The following ADAMTS17 variants were observed in gnomAD, a reference collection of about 807,000 sequenced individuals.
The protein encoded by ADAMTS17 is ADAM metallopeptidase with thrombospondin type 1 motif 17.
A neutral mutation model predicts 141.5 loss-of-function variants in ADAMTS17; 113 were observed. The ratio of observed to expected loss-of-function variants is 0.80; its 90% confidence interval spans 0.69 to 0.93. The LOEUF (loss-of-function observed/expected upper bound fraction) is 0.93, where lower values mean the gene tolerates loss of function less well. Among genes scored for constraint, ADAMTS17 ranks in the 40% least tolerant of loss-of-function variants. The pLI is 0.00. For missense variants in ADAMTS17, 1,659 were observed against 1,517.9 expected (o/e 1.09, Z -1.54); for synonymous variants, 768 against 630.6 (o/e 1.22, Z -3.27).
rs1388368639 is a variant in ADAMTS17 at position 100,236,254 on chromosome 15, G to A, written c.1075+17882C>T. Among the ~76,000 whole-genome samples the A allele has an allele frequency of 2.7e-5, 4 of 145,722 alleles. No individual in the cohort carries two copies. In the East Asian group the frequency reaches 8.2e-4, roughly 30 times the overall value. On this transcript the variant is annotated intron_variant, in intron 7 of 21. Coordinates refer to ENST00000268070, the MANE Select transcript of ADAMTS17 (RefSeq NM_139057.4). Reference sequence around the variant, plus strand: ...GACAGTAAACATTACATTGAGAGAGGTGCCCTATATTCATGTCACCCACGA... The same window carrying A: ...GACAGTAAACATTACATTGAGAGAGATGCCCTATATTCATGTCACCCACGA...
chr15:100,221,431 T>C (rs1293728335), intron 7 of ADAMTS17, among the ~76,000 whole-genome samples: 1 of 152,210 alleles, frequency 6.6e-6, no homozygotes, highest in South Asian at 2.1e-4. Flanking sequence ...TCTGCACTAT[T>C]TGTACAAACT....
intron 15 of ADAMTS17, among the ~76,000 whole-genome samples, chr15:100,062,270 G>A (rs1032180789): frequency 4.6e-5 from 7 of 152,164 alleles, no homozygotes; most frequent in East Asian, 3.9e-4. Context: ...ACGAGCGGCC[G>A]TCACAGCCTC....
intron 13 of ADAMTS17, 44 bp downstream of exon 13, chr15:100,116,803 G>A (rs1380263085): frequency 1.2e-6 from 2 of 1,613,362 alleles, no homozygotes; most frequent in Non-Finnish European, 1.7e-6. Context: ...ATTCTTAGGG[G>A]AGGACAGGAG....
chr15:100,027,819 A>G (rs573837309), intron 18 of ADAMTS17, among the ~76,000 whole-genome samples: 1 of 152,302 alleles, frequency 6.6e-6, no homozygotes, highest in East Asian at 1.9e-4. Flanking sequence ...TCTTGGTCTG[A>G]TCTGTGAGGA....
intron 8 of ADAMTS17, among the ~76,000 whole-genome samples, chr15:100,174,591 A>G (rs538916938): frequency 6.6e-6 from 1 of 152,340 alleles, no homozygotes; most frequent in East Asian, 1.9e-4. Context: ...TTTACCTTAA[A>G]CAAATATTCA....
chr15:100,282,216 G>A (rs868061829), intron 3 of ADAMTS17, among the ~76,000 whole-genome samples: 22 of 152,348 alleles, frequency 1.4e-4, no homozygotes, highest in Middle Eastern at 3.4e-3. Flanking sequence ...TAAACAGGAA[G>A]TCTCTCTCAT....
rs943371250 is a variant in ADAMTS17, at chr15:100,021,270, C to T, written c.2592-23681G>A. 3.3e-5 allele frequency among the ~76,000 whole-genome samples: 5 copies of T among 152,152 alleles called. No homozygotes were observed. In the South Asian group the frequency reaches 1.0e-3, roughly 32 times the overall value. On this transcript the variant is annotated intron_variant, in intron 18 of 21. Transcript: ENST00000268070. ...ACTCTGCTAGTCCCCATCACTGAAG[C>T]CTAGTGGCCACTTCCTTTCCAAAGA... is the stretch of plus-strand genomic sequence containing the variant.
intron 8 of ADAMTS17, among the ~76,000 whole-genome samples, chr15:100,174,021 T>C (rs1334241872): frequency 1.3e-5 from 2 of 152,194 alleles, no homozygotes; most frequent in African/African-American, 4.8e-5. Flanking sequence ...CACAGTCCCC[T>C]ACCTGCCTTA....
intron 8 of ADAMTS17, among the ~76,000 whole-genome samples, chr15:100,184,621 C>T (rs1049371247): frequency 2.0e-5 from 3 of 152,218 alleles, no homozygotes; most frequent in African/African-American, 7.2e-5. Flanking sequence ...CCTGGCTACA[C>T]ATTTTGGCAG....
chr15:100,028,337 C>T (rs373720741), intron 18 of ADAMTS17, among the ~76,000 whole-genome samples: 2 of 152,176 alleles, frequency 1.3e-5, no homozygotes, highest in South Asian at 2.1e-4. Flanking sequence ...CGGCATTCTT[C>T]GGACCCGGCC....
chr15:100,292,442 CACTCACCCCGTGTGAAATTATGAGAGAT>C (rs1425874922), intron 3 of ADAMTS17, among the ~76,000 whole-genome samples: 43 of 150,162 alleles, frequency 2.9e-4, no homozygotes, highest in Non-Finnish European at 5.5e-4. Context: ...GTGTTAGAGA[CACTCACCCCGTGTGAAATTATGAGAGAT>C]ACTCACCCCG....
chr15:100,096,351 C>T lies in ADAMTS17; in HGVS notation c.2137+5G>A. ...GCCACAGCAGCCCCATGGGCCAACA[C>T]TCACCTGTCCCCCGGGCGTGGCTGA... On this transcript the variant is annotated splice_donor_5th_base_variant and intron_variant, in intron 15 of 21. Transcript: ENST00000268070. 1.9e-6 allele frequency: 3 copies of T among 1,613,498 alleles called. No individual in the cohort carries two copies.
At chr15:100,206,561 C>T (rs2041572658) in intron 7 of ADAMTS17, among the ~76,000 whole-genome samples, 1 of 152,208 alleles carries the variant, frequency 6.6e-6, no homozygotes, top group South Asian at 2.1e-4. Flanking sequence ...CCTCTATCTT[C>T]TCTCACTGGA....
Position 100,213,679 on chromosome 15 carries a change from G to A in ADAMTS17, c.1076-14256C>T, listed in dbSNP as rs1323197803. Among the ~76,000 whole-genome samples, 7 of 152,236 alleles carry A rather than the reference G, an allele frequency of 4.6e-5. No individual in the cohort carries two copies. The East Asian group carries it at 1.3e-3, about 29-fold the overall frequency. On this transcript the variant is annotated intron_variant, in intron 7 of 21. Transcript: ENST00000268070. ...GAGACGCAAAGCAAAAGCCTGCCTA[G>A]ATCCTTCTATTCATCCTATCCCTTC...
chr15:100,249,425 T>A (rs4128197), intron 7 of ADAMTS17, among the ~76,000 whole-genome samples: 1 of 152,110 alleles, frequency 6.6e-6, no homozygotes, highest in African/African-American at 2.4e-5. Context: ...TGCTGTTGCC[T>A]CTCCTATGGA....
At chr15:100,309,930 G>A (rs931918633) in intron 3 of ADAMTS17, among the ~76,000 whole-genome samples, 2 of 152,208 alleles carry the variant, frequency 1.3e-5, no homozygotes, top group African/African-American at 2.4e-5. Flanking sequence ...CAGCTTCAGG[G>A]AAAGGCGTCA....
chr15:100,158,527 T>A (rs1283530811), intron 8 of ADAMTS17, among the ~76,000 whole-genome samples: 1 of 152,162 alleles, frequency 6.6e-6, no homozygotes, highest in Non-Finnish European at 1.5e-5. Flanking sequence ...ACAATTGCAA[T>A]GCTGTTCAGC....
intron 15 of ADAMTS17, among the ~76,000 whole-genome samples, chr15:100,068,041 G>A (rs528735746): frequency 6.6e-6 from 1 of 152,224 alleles, no homozygotes; most frequent in African/African-American, 2.4e-5. Flanking sequence ...GGAAAATCGG[G>A]TCACTCCCAC....
chr15:100,317,748 G>T (rs1044110383), intron 3 of ADAMTS17, among the ~76,000 whole-genome samples: 1 of 152,268 alleles, frequency 6.6e-6, no homozygotes, highest in South Asian at 2.1e-4. Context: ...CATGCATGTG[G>T]TTTTCTTCTC....
Sources: allele counts gnomAD v4.1 joint callset (sites outside exome capture counted in the v4.1 genomes callset), GRCh38; gene constraint gnomAD v4.1.1; transcripts MANE v1.5; gene names NCBI Gene and HGNC (gene_info 2026-07-23, HGNC 2026-07-21).